The following PBX1 variants were observed in gnomAD, a reference collection of about 807,000 sequenced individuals.
PBX1 encodes PBX homeobox 1.
In PBX1, 6 loss-of-function variants were observed where a neutral mutation model predicts 53.4. The ratio of observed to expected loss-of-function variants is 0.11; its 90% CI spans 0.06 to 0.22. The LOEUF (loss-of-function observed/expected upper bound fraction) is 0.22, where lower values mean the gene tolerates loss of function less well. Among genes scored for constraint, PBX1 ranks in the 10% least tolerant of loss-of-function variants. The pLI is 1.00. For missense variants in PBX1, 251 were observed against 551.4 expected, an observed-to-expected ratio of 0.46 and a Z score of 5.46; for synonymous variants, 204 against 212.3, an observed-to-expected ratio of 0.96 and a Z score of 0.34.
intron 2 of PBX1, among the ~76,000 whole-genome samples, chr1:164,732,689 A>T (rs74121205): frequency 0.042 from 6,439 of 152,110 alleles, 245 homozygotes; most frequent in East Asian, 0.13. Flanking sequence ...CTGCATAAAG[A>T]TGATTCCTCT....
chr1:164,604,628 G>A (rs886712932), intron 2 of PBX1, among the ~76,000 whole-genome samples: 3 of 152,158 alleles, frequency 2.0e-5, no homozygotes, highest in African/African-American at 4.8e-5. Flanking sequence ...TATTATAGCG[G>A]CATTCATATG....
At chr1:164,786,038 C>T (rs916620662) in intron 2 of PBX1, among the ~76,000 whole-genome samples, 4 of 152,190 alleles carry the variant, frequency 2.6e-5, no homozygotes, top group African/African-American at 9.6e-5. Context: ...GCAGAGAGAA[C>T]AGCCTTCTAC....
At chr1:164,764,022 G>A (rs976149883) in intron 2 of PBX1, among the ~76,000 whole-genome samples, 2 of 152,154 alleles carry the variant, frequency 1.3e-5, no homozygotes, top group African/African-American at 4.8e-5. Context: ...AGTGGTCAGG[G>A]AACCTAAATG....
At chr1:164,565,036 A>G (rs545655222) in intron 2 of PBX1, among the ~76,000 whole-genome samples, 1 of 152,254 alleles carries the variant, frequency 6.6e-6, no homozygotes, top group Middle Eastern at 3.4e-3. Context: ...TCAGATTTTT[A>G]TTGAAAGGAA....
chr1:164,598,389 A>C (rs1655912040), intron 2 of PBX1, among the ~76,000 whole-genome samples: 2 of 152,122 alleles, frequency 1.3e-5, no homozygotes, highest in Non-Finnish European at 2.9e-5. Context: ...TTAGGTGTCG[A>C]GACCAAGGCA....
At chr1:164,780,145 C>A (rs1464858885) in intron 2 of PBX1, among the ~76,000 whole-genome samples, 2 of 152,036 alleles carry the variant, frequency 1.3e-5, no homozygotes, top group African/African-American at 4.8e-5. Flanking sequence ...ATCTCCAGTG[C>A]ACAGAAAGAA....
Position 164,849,421 on chromosome 1 carries a change from G to A in PBX1, c.*2745G>A, listed in dbSNP as rs982998161. 2.6e-6 allele frequency: 4 copies of A among 1,535,368 alleles called. No homozygotes were observed. Among genetic ancestry groups the A allele is most frequent in the African/African-American group, 1.4e-5 (1 of 73,020 alleles). ...TCCGTGAGATCTGTCCACATTAGGC[G>A]AAGCAGGAGAACACTGAGAGCAGCA... On this transcript the variant is annotated 3_prime_UTR_variant, in exon 9 of 9. Transcript: ENST00000420696.
chr1:164,880,010 A>AATCT (rs1281418610), intron 2 of PBX1, among the ~76,000 whole-genome samples: 1 of 152,186 alleles, frequency 6.6e-6, no homozygotes, highest in East Asian at 1.9e-4. Flanking sequence ...GATGTATTGA[A>AATCT]ATCTGAATAA....
intron 2 of PBX1, among the ~76,000 whole-genome samples, chr1:164,730,550 GA>G (rs1403024669): frequency 2.0e-5 from 3 of 152,122 alleles, no homozygotes; most frequent in Non-Finnish European, 2.9e-5. Context: ...TCATTCCTCT[GA>G]AAAGGTTCCA....
At chr1:164,647,715 T>C (rs1040751672) in intron 2 of PBX1, among the ~76,000 whole-genome samples, 2 of 152,184 alleles carry the variant, frequency 1.3e-5, no homozygotes, top group Non-Finnish European at 2.9e-5. Flanking sequence ...TGGGGAACTT[T>C]TAAAAAATAT....
chr1:164,591,611 C>G (rs528664438), intron 2 of PBX1, among the ~76,000 whole-genome samples: 3 of 152,346 alleles, frequency 2.0e-5, no homozygotes, highest in African/African-American at 7.2e-5. Flanking sequence ...AAAAGTATGT[C>G]TGTCATGGCG....
intron 2 of PBX1, chr1:164,700,738 C>T (rs1663072013): frequency 1.0e-6 from 1 of 985,046 alleles, no homozygotes; most frequent in South Asian, 4.7e-5. Context: ...GAAGGTTTGC[C>T]AGTTTCAGTG....
chr1:164,869,083 A>G (rs1183107637), intron 2 of PBX1, among the ~76,000 whole-genome samples: 1 of 152,212 alleles, frequency 6.6e-6, no homozygotes. Flanking sequence ...AAACCTAAAC[A>G]TCACCTCAAT....
chr1:164,763,817 A>G (rs896886405), intron 2 of PBX1, among the ~76,000 whole-genome samples: 4 of 152,244 alleles, frequency 2.6e-5, no homozygotes, highest in East Asian at 3.8e-4. Context: ...ACTGACTCCA[A>G]TCATGCCATG....
rs1016777322 is a variant in PBX1, at chr1:164,877,675, G to A, written n.258-21513G>A. Among the ~76,000 whole-genome samples the A allele has an allele frequency of 2.0e-5, 3 of 151,666 alleles. No homozygotes were observed. The South Asian group carries it at 6.3e-4, about 32-fold the overall frequency. On this transcript the variant is annotated intron_variant and non_coding_transcript_variant, in intron 2 of 2. Transcript: ENST00000558796. The stretch of plus-strand genomic sequence containing the variant: ...GAGACCTTGTCTCAAAAAAAAAAAA[G>A]TAGTTCAAGTGTTTATTCATTATTA...
chr1:164,809,099 A>G (rs1358082272), intron 5 of PBX1, among the ~76,000 whole-genome samples: 1 of 152,206 alleles, frequency 6.6e-6, no homozygotes, highest in African/African-American at 2.4e-5. Flanking sequence ...TATGCAGCAA[A>G]TATCAAATCA....
chr1:164,836,198 C>A (rs1671030997), intron 8 of PBX1, among the ~76,000 whole-genome samples: 1 of 152,086 alleles, frequency 6.6e-6, no homozygotes, highest in South Asian at 2.1e-4. Context: ...CTCCTTGTTT[C>A]TTTTACTATC....
At chr1:164,756,386 C>G (rs561543150) in intron 2 of PBX1, among the ~76,000 whole-genome samples, 1 of 151,962 alleles carries the variant, frequency 6.6e-6, no homozygotes, top group Non-Finnish European at 1.5e-5. Flanking sequence ...TTGGGCATTG[C>G]GAAACGTTAA....
chr1:164,618,418 G>A (rs970408542), intron 2 of PBX1, among the ~76,000 whole-genome samples: 5 of 149,562 alleles, frequency 3.3e-5, no homozygotes, highest in African/African-American at 4.8e-5. Flanking sequence ...CTCCTACTCC[G>A]TTGCTCACTT....
Sources: allele counts gnomAD v4.1 joint callset (sites outside exome capture counted in the v4.1 genomes callset), GRCh38; gene constraint gnomAD v4.1.1; transcripts MANE v1.5; gene names NCBI Gene and HGNC (gene_info 2026-07-23, HGNC 2026-07-21).